The following MAD1L1 variants were observed in gnomAD, a reference collection of about 807,000 sequenced individuals.
The protein encoded by MAD1L1 is mitotic arrest deficient 1 like 1.
In MAD1L1, 95 loss-of-function variants were observed where a neutral mutation model predicts 96.9. The observed-to-expected ratio is 0.98, with a 90% CI of 0.83 to 1.16. The LOEUF is 1.16. Among genes scored for constraint, MAD1L1 ranks in the 50% most tolerant of loss-of-function variants. The pLI, the probability that MAD1L1 is intolerant of heterozygous loss-of-function variation, is 0.00. For missense variants in MAD1L1, 1,007 were observed against 954.4 expected, an observed-to-expected ratio of 1.06 and a Z score of -0.73; for synonymous variants, 473 against 396.6, an observed-to-expected ratio of 1.19 and a Z score of -2.29.
At chr7:2,127,860 C>T (rs905510872) in intron 11 of MAD1L1, among the ~76,000 whole-genome samples, 49 of 152,274 alleles carry the variant, frequency 3.2e-4, no homozygotes, top group East Asian at 1.9e-3. Flanking sequence ...CCACTACCCA[C>T]GCAGGCACGC....
At chr7:2,186,659 AGGATCACATGTGAG>A (rs1791473141) in intron 10 of MAD1L1, among the ~76,000 whole-genome samples, 1 of 152,250 alleles carries the variant, frequency 6.6e-6, no homozygotes, top group Admixed American at 6.5e-5. Flanking sequence ...ACAGAGCTGT[AGGATCACATGTGAG>A]TCCAACTTGT....
intron 18 of MAD1L1, among the ~76,000 whole-genome samples, chr7:1,877,853 C>T (rs557925282): frequency 1.6e-4 from 24 of 152,072 alleles, no homozygotes; most frequent in Admixed American, 1.0e-3. Flanking sequence ...ATCTTAACTG[C>T]GTATGTACCC....
chr7:1,941,680 G>A (rs530200817), intron 16 of MAD1L1, among the ~76,000 whole-genome samples: 4 of 152,336 alleles, frequency 2.6e-5, no homozygotes, highest in East Asian at 1.9e-4. Context: ...CAAGGTCGGC[G>A]CAGGTTCCCG....
intron 12 of MAD1L1, among the ~76,000 whole-genome samples, chr7:2,067,031 T>G (rs59871618): frequency 0.082 from 12,521 of 152,246 alleles, 1,653 homozygotes; most frequent in African/African-American, 0.28. Context: ...AGGCCACGCA[T>G]GGAGGACCAA....
intron 11 of MAD1L1, among the ~76,000 whole-genome samples, chr7:2,112,571 A>G (rs1268511936): frequency 1.3e-5 from 2 of 152,208 alleles, no homozygotes; most frequent in East Asian, 3.8e-4. Context: ...TGAGGACTGG[A>G]TGGGTAAGTA....
At chr7:2,082,174 G>C (rs1189989289) in intron 11 of MAD1L1, among the ~76,000 whole-genome samples, 1 of 152,162 alleles carries the variant, frequency 6.6e-6, no homozygotes, top group Admixed American at 6.5e-5. Context: ...GGAGGCAGGA[G>C]GGGGAGGGGA....
At chr7:1,832,741 C>T (rs1782770761) in intron 18 of MAD1L1, among the ~76,000 whole-genome samples, 2 of 104,202 alleles carry the variant, frequency 1.9e-5, no homozygotes, top group Admixed American at 2.2e-4. Context: ...AAGCGATTTT[C>T]ATGCCTCAGC....
chr7:2,226,902 G>A (rs1208544728), intron 3 of MAD1L1, among the ~76,000 whole-genome samples: 1 of 151,810 alleles, frequency 6.6e-6, no homozygotes, highest in Non-Finnish European at 1.5e-5. Context: ...CAGGAGAATC[G>A]CTTGAACCCA....
At chr7:2,022,625 C>A (rs1460761195) in intron 12 of MAD1L1, among the ~76,000 whole-genome samples, 1 of 151,608 alleles carries the variant, frequency 6.6e-6, no homozygotes, top group Non-Finnish European at 1.5e-5. Context: ...TAAAACCAAA[C>A]AAAGCAGATA....
chr7:2,101,285 C>G (rs1786770378), intron 11 of MAD1L1, among the ~76,000 whole-genome samples: 1 of 113,804 alleles, frequency 8.8e-6, no homozygotes, highest in South Asian at 2.9e-4. Context: ...TGGGGCTCCA[C>G]TCCTAAAGGG....
At chr7:2,129,011 G>A (rs374685885) in intron 11 of MAD1L1, among the ~76,000 whole-genome samples, 7 of 152,322 alleles carry the variant, frequency 4.6e-5, no homozygotes, top group East Asian at 3.9e-4. Flanking sequence ...TGCTGCTGGC[G>A]CTGACCAACT....
intron 16 of MAD1L1, among the ~76,000 whole-genome samples, chr7:1,949,565 C>T (rs903652765): frequency 2.6e-5 from 4 of 152,182 alleles, no homozygotes; most frequent in South Asian, 2.1e-4. Context: ...CAAGTGGAGG[C>T]GGCGGGGAGG....
intron 18 of MAD1L1, among the ~76,000 whole-genome samples, chr7:1,894,285 G>A (rs1786729404): frequency 3.9e-5 from 6 of 152,198 alleles, no homozygotes; most frequent in Admixed American, 2.0e-4. Context: ...AGGGCAGCTC[G>A]GAGGAGGACT....
In MAD1L1 at chr7:1,980,787, C is replaced by T. The variant is rs1452087586; in HGVS notation, c.1417-246G>A. 1.1e-4 allele frequency: 68 copies of T among 612,656 alleles called. No homozygotes were observed. In the East Asian group the frequency reaches 2.0e-3, roughly 18 times the overall value. 38.0% of individuals were successfully genotyped at this position (612,656 alleles called of 1,614,324 possible). On this transcript the variant is annotated intron_variant, in intron 14 of 18. Coordinates refer to ENST00000265854, the MANE Select transcript of MAD1L1 (RefSeq NM_001013836.2). ...GAATAGCAACAGATGCACAGGCTCA[C>T]GGTGAGGTGTGTGGGGTGCATGTGA...
chr7:2,197,564 G>A lies in MAD1L1; in HGVS notation c.986+15648C>T, dbSNP rs114232152. ...TCTCCCTGCACACGGGCCCAAGCTC[G>A]GACACAGGCACGACCAGGACTGGCG... On this transcript the variant is annotated intron_variant, in intron 10 of 18. Transcript: ENST00000265854. Among the ~76,000 whole-genome samples, 1,373 of 152,224 alleles carry A rather than the reference G, an allele frequency of 9.0e-3. 21 individuals are homozygous for A. The highest frequency in any genetic ancestry group is 0.031 in the African/African-American group (1,280 of 41,522).
At chr7:1,865,294 T>C (rs562048542) in intron 18 of MAD1L1, among the ~76,000 whole-genome samples, 1 of 151,710 alleles carries the variant, frequency 6.6e-6, no homozygotes, top group South Asian at 2.1e-4. Flanking sequence ...GAGAAGCTCT[T>C]GGGGGTCTGC....
chr7:1,916,820 G>A (rs1028529055), intron 17 of MAD1L1, among the ~76,000 whole-genome samples: 1 of 152,170 alleles, frequency 6.6e-6, no homozygotes, highest in Non-Finnish European at 1.5e-5. Flanking sequence ...TGCATGAACA[G>A]CCCGGGCACC....
At chr7:2,113,730 A>T (rs1787505929) in intron 11 of MAD1L1, among the ~76,000 whole-genome samples, 1 of 152,196 alleles carries the variant, frequency 6.6e-6, no homozygotes, top group Admixed American at 6.5e-5. Context: ...GAACATGGTG[A>T]TGTCGCACAC....
intron 10 of MAD1L1, among the ~76,000 whole-genome samples, chr7:2,156,628 T>G (rs1283747912): frequency 6.6e-6 from 1 of 152,106 alleles, no homozygotes; most frequent in Non-Finnish European, 1.5e-5. Flanking sequence ...AAGACCAGCC[T>G]GGCCAACATG....
Sources: allele counts gnomAD v4.1 joint callset (sites outside exome capture counted in the v4.1 genomes callset), GRCh38; gene constraint gnomAD v4.1.1; transcripts MANE v1.5; gene names NCBI Gene and HGNC (gene_info 2026-07-23, HGNC 2026-07-21).